Variants in NBEAL1 observed in about 807,000 individuals in gnomAD.
The protein encoded by NBEAL1 is neurobeachin like 1, also known as neurobeachin-like protein 1.
A neutral mutation model predicts 351.3 loss-of-function variants in NBEAL1; 273 were observed. The observed-to-expected ratio is 0.78, with a 90% CI of 0.70 to 0.86. The LOEUF is 0.86. Among genes scored for constraint, NBEAL1 ranks in the 40% least tolerant of loss-of-function variants. The probability of loss-of-function intolerance (pLI) is 0.00; values close to 1 mark genes in which losing one functional copy is unlikely to be tolerated. For synonymous variants in NBEAL1, 1,050 were observed against 1,086.4 expected, an observed-to-expected ratio of 0.97 and a Z score of 0.66; for missense variants, 2,961 against 3,201.3, an observed-to-expected ratio of 0.92 and a Z score of 1.81.
intron 35 of NBEAL1, 143 bp from the exon 36 acceptor site, chr2:203,157,556 C>G (rs1290600388): frequency 6.0e-6 from 3 of 502,354 alleles, no homozygotes; most frequent in East Asian, 3.5e-5. Context: ...AAGGATTACT[C>G]TAAATCAAAG....
At chr2:203,184,093 A>G (rs998183187) in intron 44 of NBEAL1, among the ~76,000 whole-genome samples, 2 of 150,934 alleles carry the variant, frequency 1.3e-5, no homozygotes, top group African/African-American at 4.8e-5. Context: ...AAAAAAAAAA[A>G]AAAAAAGAAA....
At position 203,219,042 on chromosome 2, in the gene NBEAL1, C is replaced by G. The variant is rs1271563758; in HGVS notation, c.*1688C>G. ...AAGTTAAGTAGCAATAATTATGATG[C>G]ATAAATGAGACTGGCATCTATTCAT... On this transcript the variant is annotated 3_prime_UTR_variant, in exon 56 of 56. Transcript: ENST00000683969. The G allele has an allele frequency of 6.6e-6, 1 of 152,066 alleles. No individual in the cohort carries two copies. Among genetic ancestry groups the G allele is most frequent in the African/African-American group, 2.4e-5 (1 of 41,406 alleles). The allele number at this position is 152,066 out of a possible 1,614,324, so 9.4% of individuals were successfully genotyped here. A position where few individuals can be genotyped will look rare whatever the true frequency, so the allele number is the denominator to read the frequency against.
At chr2:203,114,351 A>G (rs2062641330) in intron 17 of NBEAL1, among the ~76,000 whole-genome samples, 1 of 152,244 alleles carries the variant, frequency 6.6e-6, no homozygotes, top group African/African-American at 2.4e-5. Context: ...TCTAGAAGAA[A>G]TTATGTAACT....
chr2:203,022,050 C>CAA (rs1212450445), intron 2 of NBEAL1, among the ~76,000 whole-genome samples: 4 of 109,534 alleles, frequency 3.7e-5, no homozygotes, highest in South Asian at 2.9e-4. Context: ...GACTCTGTTT[C>CAA]AAAAAAAAAA....
At chr2:203,080,209 A>C (rs2061848267) in intron 8 of NBEAL1, among the ~76,000 whole-genome samples, 1 of 152,012 alleles carries the variant, frequency 6.6e-6, no homozygotes. Flanking sequence ...GGAAATTGAG[A>C]CCATCCTGGC....
At chr2:203,187,108 C>T (rs76865081) in intron 44 of NBEAL1, among the ~76,000 whole-genome samples, 79 of 152,268 alleles carry the variant, frequency 5.2e-4, no homozygotes, top group African/African-American at 1.8e-3. Flanking sequence ...AAATGTCCCC[C>T]GGCTGGAGTG....
At chr2:203,111,410 C>T (rs1222757916) in intron 15 of NBEAL1, among the ~76,000 whole-genome samples, 1 of 151,822 alleles carries the variant, frequency 6.6e-6, no homozygotes, top group Non-Finnish European at 1.5e-5. Flanking sequence ...CTCGCTCTGT[C>T]ACCAAGGCTG....
intron 10 of NBEAL1, among the ~76,000 whole-genome samples, chr2:203,093,479 C>A (rs1052886350): frequency 3.9e-5 from 6 of 152,248 alleles, no homozygotes; most frequent in East Asian, 1.9e-4. Flanking sequence ...GGAATCATGA[C>A]CTTTAAAAGT....
chr2:203,028,978 C>T (rs1356213787), intron 2 of NBEAL1, among the ~76,000 whole-genome samples: 2 of 152,036 alleles, frequency 1.3e-5, no homozygotes, highest in African/African-American at 4.8e-5. Context: ...ACTGACTTCC[C>T]AGAAACACCT....
chr2:203,100,224 C>T (rs1026370929), intron 12 of NBEAL1, among the ~76,000 whole-genome samples: 38 of 152,086 alleles, frequency 2.5e-4, no homozygotes, highest in African/African-American at 9.2e-4. Flanking sequence ...GTTCATGTGT[C>T]TTTATGGTAG....
At chr2:203,185,379 G>A (rs550703008) in intron 44 of NBEAL1, among the ~76,000 whole-genome samples, 2 of 152,220 alleles carry the variant, frequency 1.3e-5, no homozygotes, top group South Asian at 4.1e-4. Context: ...TGGCTTAAAA[G>A]TATAGCCATT....
At chr2:203,035,539 A>G (rs2061028525) in intron 2 of NBEAL1, among the ~76,000 whole-genome samples, 1 of 149,530 alleles carries the variant, frequency 6.7e-6, no homozygotes, top group Non-Finnish European at 1.5e-5. Flanking sequence ...GGCAAAGTCT[A>G]TATTATAATA....
chr2:203,144,559 G>C (rs1359676521), intron 31 of NBEAL1, 41 bp from the exon 32 acceptor site: 3 of 1,534,002 alleles, frequency 2.0e-6, no homozygotes, highest in South Asian at 2.5e-5. Context: ...CTAAATGTTT[G>C]CTTTAGTCTG....
At chr2:203,049,752 A>G in intron 3 of NBEAL1, 62 bp from the exon 4 acceptor site, 1 of 1,395,708 alleles carries the variant, frequency 7.2e-7, no homozygotes, top group Non-Finnish European at 9.6e-7. Context: ...GTTCATTTAA[A>G]TGCCAGAGAT....
In NBEAL1 at chr2:203,208,721, A is replaced by G. The variant is rs955894560; in HGVS notation, c.7591A>G (p.Thr2531Ala). The G allele has an allele frequency of 1.2e-6, 2 of 1,608,180 alleles. No homozygotes were observed. Among genetic ancestry groups the G allele is most frequent in the African/African-American group, 2.7e-5 (2 of 74,680 alleles). Residue 2531 changes from threonine to alanine, a missense_variant, in exon 52 of 56, where the codon ACT becomes GCT. Thr to Ala is a moderately conservative substitution (Grantham distance 58). Transcript: ENST00000683969. Reference protein sequence around the residue: ...TNEVLSVGISTELDMAVSGSR... With the variant: ...TNEVLSVGISAELDMAVSGSR... ...CGAGGTACTGAGTGTCGGCATCAGC[A>G]CTGAGCTAGACATGGCAGTGTCAGG...
At chr2:203,016,661 T>A (rs2060686072) in intron 2 of NBEAL1, among the ~76,000 whole-genome samples, 1 of 152,226 alleles carries the variant, frequency 6.6e-6, no homozygotes, top group Non-Finnish European at 1.5e-5. Context: ...TTTTATTTGA[T>A]ACTTATCCCC....
In NBEAL1 at chr2:203,221,140, CA is replaced by C. The variant is rs1042730372; in HGVS notation, c.*3787del. On this transcript the variant is annotated 3_prime_UTR_variant, in exon 56 of 56. Coordinates refer to ENST00000683969, the MANE Select transcript of NBEAL1 (RefSeq NM_001378026.1). ...TATATTTTGTGTGAAAAGGAGTGGT[CA>C]GGGGAAACTGTTAACTTGGATACCA... 4.6e-5 allele frequency among the ~76,000 whole-genome samples: 7 copies of C among 151,886 alleles called. No individual in the cohort carries two copies. Among genetic ancestry groups the C allele is most frequent in the African/African-American group, 7.2e-5 (3 of 41,386 alleles).
intron 7 of NBEAL1, 47 bp downstream of exon 7, chr2:203,068,522 T>C (rs1471257689): frequency 1.8e-5 from 19 of 1,063,638 alleles, no homozygotes; most frequent in Non-Finnish European, 2.5e-5. Context: ...CATCTTACTC[T>C]GATTACTTTT....
Position 203,180,520 on chromosome 2 carries a change from A to G in NBEAL1, c.6595+8A>G. 1.3e-6 allele frequency: 2 copies of G among 1,598,502 alleles called. No individual in the cohort carries two copies. The highest frequency in any genetic ancestry group is 1.1e-5 in the South Asian group (1 of 88,410). On this transcript the variant is annotated splice_region_variant and intron_variant, in intron 43 of 55. Transcript: ENST00000683969. ...TTTTGGAAAATCAAAATCGTAAGAA[A>G]TAGAGGATTAAAAATTTGACTAGCA...
Sources: allele counts gnomAD v4.1 joint callset (sites outside exome capture counted in the v4.1 genomes callset), GRCh38; gene constraint gnomAD v4.1.1; transcripts MANE v1.5; gene names NCBI Gene and HGNC (gene_info 2026-07-23, HGNC 2026-07-21).